The following EYS variants were observed in gnomAD, a reference collection of about 807,000 sequenced individuals.
The protein encoded by EYS is EGF-like photoreceptor maintenance factor.
In EYS, 250 loss-of-function variants were observed where a neutral mutation model predicts 282.1. The observed-to-expected ratio is 0.89, with a 90% CI of 0.80 to 0.98. The LOEUF is 0.98. Ranked by LOEUF, EYS falls within the 50% of genes least tolerant of loss-of-function variation. EYS has a pLI of 0.00. For synonymous variants in EYS, 1,355 were observed against 1,282.9 expected, an observed-to-expected ratio of 1.06 and a Z score of -1.20; for missense variants, 4,016 against 3,709.0, an observed-to-expected ratio of 1.08 and a Z score of -2.15.
intron 29 of EYS, among the ~76,000 whole-genome samples, chr6:64,340,809 C>G (rs1337787002): frequency 6.6e-6 from 1 of 151,772 alleles, no homozygotes; most frequent in Non-Finnish European, 1.5e-5. Flanking sequence ...TATTTACAAA[C>G]TATACATCTG....
At chr6:65,237,429 T>C (rs1243553075) in intron 12 of EYS, among the ~76,000 whole-genome samples, 5 of 152,292 alleles carry the variant, frequency 3.3e-5, no homozygotes, top group Admixed American at 6.5e-5. Flanking sequence ...AGATTTCCAG[T>C]AGACCTTCCA....
intron 31 of EYS, among the ~76,000 whole-genome samples, chr6:64,206,275 T>C (rs1765605878): frequency 1.3e-5 from 2 of 152,212 alleles, no homozygotes; most frequent in South Asian, 4.1e-4. Context: ...AATATAGCAG[T>C]ATTTATACCA....
intron 32 of EYS, among the ~76,000 whole-genome samples, chr6:64,078,043 CAATT>C (rs1198120823): frequency 6.6e-6 from 1 of 151,944 alleles, no homozygotes; most frequent in African/African-American, 2.4e-5. Flanking sequence ...TTTTCAACAT[CAATT>C]AGTTGGTGAG....
At chr6:64,547,683 G>T (rs1257697418) in intron 26 of EYS, among the ~76,000 whole-genome samples, 1 of 152,228 alleles carries the variant, frequency 6.6e-6, no homozygotes, top group South Asian at 2.1e-4. Context: ...CCATACTGGG[G>T]CTGCAGGTGG....
intron 29 of EYS, among the ~76,000 whole-genome samples, chr6:64,362,804 AGTTAG>A (rs1418052206): frequency 6.6e-6 from 1 of 151,766 alleles, no homozygotes; most frequent in Non-Finnish European, 1.5e-5. Flanking sequence ...TAGTGTCACA[AGTTAG>A]GTTATTATTA....
chr6:64,648,806 T>C (rs1768447869), intron 22 of EYS, among the ~76,000 whole-genome samples: 1 of 152,198 alleles, frequency 6.6e-6, no homozygotes, highest in Non-Finnish European at 1.5e-5. Flanking sequence ...ATAATTTTAT[T>C]GAGATAATTT....
chr6:64,903,785 A>T lies in EYS; in HGVS notation c.2642-1285T>A, dbSNP rs192596184. 9.9e-5 allele frequency among the ~76,000 whole-genome samples: 15 copies of T among 152,258 alleles called. 2 individuals are homozygous for T. Among genetic ancestry groups the T allele is most frequent in the African/African-American group, 3.4e-4 (14 of 41,556 alleles). On this transcript the variant is annotated intron_variant, in intron 16 of 42. Coordinates refer to ENST00000503581, the MANE Select transcript of EYS (RefSeq NM_001142800.2). Reference sequence around the variant, plus strand: ...ATCATACCATGCCACAGTCAATGCCATTCTCTGTGGTGTCTACCATTGGAT... The same window carrying T: ...ATCATACCATGCCACAGTCAATGCCTTTCTCTGTGGTGTCTACCATTGGAT...
At chr6:65,663,866 C>CTTTTTTT (rs66999581) in intron 1 of EYS, among the ~76,000 whole-genome samples, 11 of 75,888 alleles carry the variant, frequency 1.4e-4, no homozygotes, top group East Asian at 3.9e-4. Flanking sequence ...TTTTTCTTTT[C>CTTTTTTT]TTTTTTTTTT....
At chr6:64,863,899 T>A (rs1766330038) in intron 19 of EYS, among the ~76,000 whole-genome samples, 1 of 152,156 alleles carries the variant, frequency 6.6e-6, no homozygotes, top group African/African-American at 2.4e-5. Flanking sequence ...TCCCTGTAAG[T>A]CCAACTTTCC....
At chr6:65,327,225 A>G (rs139714455) in intron 11 of EYS, among the ~76,000 whole-genome samples, 10 of 151,626 alleles carry the variant, frequency 6.6e-5, no homozygotes, top group African/African-American at 1.4e-4. Context: ...CTCAATTAAG[A>G]TCTCTCCAGT....
chr6:64,811,719 A>C, intron 22 of EYS, among the ~76,000 whole-genome samples: 1 of 152,128 alleles, frequency 6.6e-6, no homozygotes, highest in East Asian at 1.9e-4. Flanking sequence ...TTCCACATTC[A>C]CATCTCTGCC....
intron 2 of EYS, among the ~76,000 whole-genome samples, chr6:65,637,060 C>T (rs980964670): frequency 6.6e-6 from 1 of 152,160 alleles, no homozygotes; most frequent in Non-Finnish European, 1.5e-5. Flanking sequence ...CTTAAGCGAT[C>T]CTCCACCTCT....
At chr6:65,543,410 A>G (rs28618117) in intron 2 of EYS, among the ~76,000 whole-genome samples, 1 of 148,100 alleles carries the variant, frequency 6.8e-6, no homozygotes, top group Non-Finnish European at 1.5e-5. Flanking sequence ...TATATAATAT[A>G]TAAATGTATA....
chr6:64,731,272 G>C (rs1008408107), intron 22 of EYS, among the ~76,000 whole-genome samples: 9 of 151,996 alleles, frequency 5.9e-5, no homozygotes, highest in African/African-American at 1.2e-4. Flanking sequence ...AGCCCCAGTT[G>C]ACATATGGGA....
chr6:64,316,880 A>T (rs1207605593), intron 29 of EYS, among the ~76,000 whole-genome samples: 1 of 152,144 alleles, frequency 6.6e-6, no homozygotes, highest in Admixed American at 6.6e-5. Context: ...AGACCAATGG[A>T]ACAGAACAGA....
chr6:65,430,768 G>A (rs886471530), intron 5 of EYS, among the ~76,000 whole-genome samples: 2 of 152,164 alleles, frequency 1.3e-5, no homozygotes, highest in African/African-American at 4.8e-5. Flanking sequence ...GCATTTCTAG[G>A]CACATCCTGG....
At chr6:65,446,152 GTTT>G (rs1768649083) in intron 5 of EYS, among the ~76,000 whole-genome samples, 1 of 151,544 alleles carries the variant, frequency 6.6e-6, no homozygotes, top group Non-Finnish European at 1.5e-5. Flanking sequence ...CAAATTTATA[GTTT>G]ATCATTTGTC....
Position 63,937,334 on chromosome 6 carries a change from T to TTC in EYS, c.7055+47047_7055+47048dup, listed in dbSNP as rs1160344769. On this transcript the variant is annotated intron_variant, in intron 35 of 42. Transcript: ENST00000503581. ...CTGTCAAGATCCAAATTTTCTAGGC[T>TTC]TCTCTCTTTTCTTTTTTTTTTTTTT... Among the ~76,000 whole-genome samples, 4 of 128,636 alleles carry TTC rather than the reference T, an allele frequency of 3.1e-5. No individual in the cohort carries two copies. The Admixed American group carries it at 3.6e-4, about 11-fold the overall frequency. 84.4% of individuals were successfully genotyped at this position (128,636 alleles called of 152,430 possible).
intron 2 of EYS, among the ~76,000 whole-genome samples, chr6:65,512,035 T>TATATG (rs1359823071): frequency 1.5e-4 from 22 of 149,502 alleles, no homozygotes; most frequent in African/African-American, 5.2e-4. Flanking sequence ...ATATAACTTG[T>TATATG]ATATGATAAA....
Sources: allele counts gnomAD v4.1 joint callset (sites outside exome capture counted in the v4.1 genomes callset), GRCh38; gene constraint gnomAD v4.1.1; transcripts MANE v1.5; gene names NCBI Gene and HGNC (gene_info 2026-07-23, HGNC 2026-07-21).